SLC38A7: variants seen among roughly 807,000 people sequenced by gnomAD.
The protein encoded by SLC38A7 is solute carrier family 38 member 7.
Under a neutral mutation model 50.1 loss-of-function variants are expected in SLC38A7, and 29 were observed. The observed-to-expected ratio is 0.58, with a 90% CI of 0.43 to 0.79. SLC38A7 has a LOEUF of 0.79. SLC38A7 is among the 30% of genes least tolerant of loss of function. SLC38A7 has a pLI of 0.00. For missense variants in SLC38A7, 483 were observed against 610.6 expected (o/e 0.79, Z 2.20); for synonymous variants, 244 against 245.9 (o/e 0.99, Z 0.07).
chr16:58,679,352 A>G (rs971339964), intron 3 of SLC38A7, among the ~76,000 whole-genome samples: 2 of 152,342 alleles, frequency 1.3e-5, no homozygotes, highest in Non-Finnish European at 1.5e-5. Flanking sequence ...AGATCGGGCC[A>G]CTGCACTCCA....
chr16:58,677,481 A>AC, intron 5 of SLC38A7, 57 bp from the exon 6 acceptor site: 1 of 1,458,466 alleles, frequency 6.9e-7, no homozygotes. Flanking sequence ...ATCTGATTCC[A>AC]CCCCTAGGGA....
intron 9 of SLC38A7, chr16:58,671,758 T>C (rs12935121): frequency 0.58 from 120,450 of 209,030 alleles, 37,284 homozygotes; most frequent in African/African-American, 0.84. Flanking sequence ...TGTGTAGAGA[T>C]GGGGTCTCAC....
In SLC38A7 at chr16:58,678,620, A is replaced by G; in HGVS notation, c.469+76T>C. 1 of 1,583,464 alleles carries G rather than the reference A, an allele frequency of 6.3e-7. No individual in the cohort carries two copies. Among genetic ancestry groups the G allele is most frequent in the Non-Finnish European group, 8.6e-7 (1 of 1,159,478 alleles). On this transcript the variant is annotated intron_variant, in intron 4 of 11. Transcript: ENST00000219320. The surrounding 1 kb of genome is among the most constrained non-coding windows in gnomAD (Gnocchi z 4.0). ...CCAGGTAAGTCCTGGAGAGGTGTTCAGTGCCTTTTCCCTCCACCCCAGGAT... is the reference window on the plus strand; with the variant it reads ...CCAGGTAAGTCCTGGAGAGGTGTTCGGTGCCTTTTCCCTCCACCCCAGGAT...
intron 3 of SLC38A7, among the ~76,000 whole-genome samples, chr16:58,679,334 G>GT (rs2044336488): frequency 6.6e-6 from 1 of 152,186 alleles, no homozygotes; most frequent in African/African-American, 2.4e-5. Context: ...AGAGGCTGCA[G>GT]TAAGCCGAGA....
chr16:58,670,591 C>T lies in SLC38A7; in HGVS notation c.1232-424G>A, dbSNP rs572732281. On this transcript the variant is annotated intron_variant, in intron 10 of 11. Transcript: ENST00000219320. ...ACAGGACAGTTCTCCAGGGATCTGG[C>T]GGTAGATCTGTGTCTGGAACCCAGG... is the stretch of plus-strand genomic sequence containing the variant. Among the ~76,000 whole-genome samples the T allele has an allele frequency of 1.1e-4, 17 of 152,332 alleles. No individual in the cohort carries two copies. In the South Asian group the frequency reaches 3.1e-3, roughly 28 times the overall value.
At chr16:58,683,452 G>A (rs2044433621) in intron 2 of SLC38A7, among the ~76,000 whole-genome samples, 1 of 152,214 alleles carries the variant, frequency 6.6e-6, no homozygotes, top group African/African-American at 2.4e-5. Context: ...TGGCACCAGA[G>A]GAAACATTCC....
At position 58,667,080 on chromosome 16, in the gene SLC38A7, C is replaced by T. The variant is rs1597659708; in HGVS notation, c.*305G>A. 6.4e-6 allele frequency: 3 copies of T among 469,344 alleles called. No homozygotes were observed. Among genetic ancestry groups the T allele is most frequent in the African/African-American group, 2.0e-5 (1 of 51,080 alleles). 29.1% of individuals were successfully genotyped at this position (469,344 alleles called of 1,614,324 possible). The stretch of plus-strand genomic sequence containing the variant: ...CTGGATTCTTTCTTATGAGATCTAC[C>T]GACTCTCTTCACCCGTGGATTCCAG... On this transcript the variant is annotated 3_prime_UTR_variant, in exon 12 of 12. Transcript: ENST00000219320.
At position 58,670,175 on chromosome 16, in the gene SLC38A7, A is replaced by C; in HGVS notation, c.1232-8T>G. On this transcript the variant is annotated splice_polypyrimidine_tract_variant and splice_region_variant and intron_variant, in intron 10 of 11. Coordinates refer to ENST00000219320, the MANE Select transcript of SLC38A7 (RefSeq NM_018231.3). The stretch of plus-strand genomic sequence containing the variant: ...CTTGAATGAGGCACAGCCCTGAAAG[A>C]GAAGAAGTGGCCCTGAGCATTTGTG... 6.2e-7 allele frequency: 1 copy of C among 1,614,032 alleles called. No individual in the cohort carries two copies.
intron 9 of SLC38A7, 108 bp downstream of exon 9, chr16:58,671,988 G>C (rs1597666427): frequency 7.6e-7 from 1 of 1,318,926 alleles, no homozygotes. Context: ...CTTTTCTACA[G>C]GCTTCAGTTT....
At position 58,677,335 on chromosome 16, in the gene SLC38A7, A is replaced by G. The variant is rs2044289687; in HGVS notation, c.701T>C (p.Ile234Thr). Reference sequence around the variant, plus strand: ...GGGCCCTCACCCTCACCTGGTCAGGATGTTCCCTGGGGTCATCTCTTTATC... The same window carrying G: ...GGGCCCTCACCCTCACCTGGTCAGGGTGTTCCCTGGGGTCATCTCTTTATC... ...WPDKEMTPGN[I>T]LTRPASWMAV... is the part of the protein sequence containing the mutation. Residue 234 changes from isoleucine (I) to threonine (T), a missense_variant, in exon 6 of 12, where the codon ATC becomes ACC. Physicochemically the swap from Ile to Thr is moderately conservative, Grantham distance 89. Transcript: ENST00000219320. The G allele has an allele frequency of 3.7e-6, 6 of 1,613,926 alleles. No individual in the cohort carries two copies. In the East Asian group the frequency reaches 1.3e-4, roughly 36 times the overall value.
Position 58,670,127 on chromosome 16 carries a change from C to T in SLC38A7, c.1272G>A (p.Glu424=). 2 of 1,614,174 alleles carry T rather than the reference C, an allele frequency of 1.2e-6. No individual in the cohort carries two copies. Among genetic ancestry groups the T allele is most frequent in the Non-Finnish European group, 1.7e-6 (2 of 1,180,016 alleles). The change falls in exon 11 of 12, where the codon GAG becomes GAA. Residue 424 remains glutamate, a synonymous_variant. Transcript: ENST00000219320. Reference sequence around the variant, plus strand: ...TCCTGCTTTACCTGGCTGGTTTGACCTCTTCCATCTCAGAGAGTTTGGCTT... The same window carrying T: ...TCCTGCTTTACCTGGCTGGTTTGACTTCTTCCATCTCAGAGAGTTTGGCTT... The part of the protein sequence containing the change: ...LIQAKLSEME[E]VKPASWWVLV...
At chr16:58,675,899 G>C (rs1359120415) in intron 8 of SLC38A7, 41 bp downstream of exon 8, 1 of 1,508,786 alleles carries the variant, frequency 6.6e-7, no homozygotes, top group Admixed American at 1.8e-5. Context: ...GTGGAAGTGA[G>C]AGCACTCTAG....
Position 58,673,083 on chromosome 16 carries a change from ATTTTTTTTTTTT to A in SLC38A7, c.884-852_884-841del, listed in dbSNP as rs34081609. ...GCTGGGATTACACCATGCCCGGCTA[ATTTTTTTTTTTT>A]TTTTTTTTTTTTTTTTTGAGATGGA... On this transcript the variant is annotated intron_variant, in intron 8 of 11. Transcript: ENST00000219320. Among the ~76,000 whole-genome samples, 236 of 60,410 alleles carry A rather than the reference ATTTTTTTTTTTT, an allele frequency of 3.9e-3. 3 individuals carry two copies. Among genetic ancestry groups the A allele is most frequent in the African/African-American group, 0.02 (216 of 10,752 alleles). The allele number at this position is 60,410 out of a possible 152,430, so 39.6% of individuals were successfully genotyped here. A position where few individuals can be genotyped will look rare whatever the true frequency, so the allele number is the denominator to read the frequency against.
chr16:58,673,330 G>A (rs147857833), intron 8 of SLC38A7, among the ~76,000 whole-genome samples: 6 of 151,490 alleles, frequency 4.0e-5, no homozygotes, highest in Non-Finnish European at 8.8e-5. Flanking sequence ...CTGCCTTCTG[G>A]TTTTAAGTGA....
intron 5 of SLC38A7, 90 bp from the exon 6 acceptor site, chr16:58,677,514 C>A: frequency 9.5e-7 from 1 of 1,047,586 alleles, no homozygotes; most frequent in South Asian, 1.3e-5. Context: ...GCTCTAGCGA[C>A]CACAAGTGTC....
At position 58,676,414 on chromosome 16, in the gene SLC38A7, C is replaced by A. The variant is rs1597673255; in HGVS notation, c.711-68G>T. 3.2e-6 allele frequency: 5 copies of A among 1,562,418 alleles called. No individual in the cohort carries two copies. In the East Asian group the frequency reaches 1.1e-4, roughly 35 times the overall value. ...AGAGCCACAACCCACCCCACGCCCT[C>A]ACTCTTCGGTCAGCCCACCATGGTC... On this transcript the variant is annotated intron_variant, in intron 6 of 11. Transcript: ENST00000219320.
rs1217285818 is a variant in SLC38A7, at chr16:58,672,096, C to T, written c.1031G>A (p.Arg344Gln). The stretch of plus-strand genomic sequence containing the variant: ...CCCTGGGGAGTGGAAGGGGGCTCAC[C>T]GCCCACAGAAGTGCAGGATAGGGTA... ...TSYPILHFCG[R>Q]AVVEGLWLRY... Residue 344 changes from arginine (R) to glutamine (Q), a missense_variant and splice_region_variant, in exon 9 of 12, where the codon CGG becomes CAG. By Grantham distance (43) the Arg-to-Gln change is conservative. Transcript: ENST00000219320. The T allele has an allele frequency of 6.4e-6, 10 of 1,554,128 alleles. No individual in the cohort carries two copies. The highest frequency in any genetic ancestry group is 2.0e-5 in the Admixed American group (1 of 51,280).
chr16:58,672,381 T>C, intron 8 of SLC38A7, 138 bp from the exon 9 acceptor site: 1 of 922,952 alleles, frequency 1.1e-6, no homozygotes, highest in Non-Finnish European at 1.6e-6. Context: ...GAGTGGGAGA[T>C]GGGGCTCCGA....
chr16:58,678,881 A>T lies in SLC38A7; in HGVS notation c.284T>A (p.Phe95Tyr), dbSNP rs763770135. 6.2e-7 allele frequency: 1 copy of T among 1,613,550 alleles called. No homozygotes were observed. Among genetic ancestry groups the T allele is most frequent in the South Asian group, 1.1e-5 (1 of 91,082 alleles). ...CAGGATGACAAGGCCACTGATGATGAAAACCAGCATACCCTGCAGGCAGAG... is the reference window on the plus strand; with the variant it reads ...CAGGATGACAAGGCCACTGATGATGTAAACCAGCATACCCTGCAGGCAGAG... ...GIALQMGMLV[F>Y]IISGLVILAY... The change falls in exon 4 of 12, where the codon TTC (phenylalanine) becomes TAC (tyrosine). Residue 95 changes from phenylalanine to tyrosine, a missense_variant. Transcript: ENST00000219320. The surrounding 1 kb of genome is among the most constrained non-coding windows in gnomAD (Gnocchi z 4.0).
Sources: allele counts gnomAD v4.1 joint callset (sites outside exome capture counted in the v4.1 genomes callset), GRCh38; gene constraint gnomAD v4.1.1; non-coding constraint Gnocchi (gnomAD v3.1); transcripts MANE v1.5; gene names NCBI Gene and HGNC (gene_info 2026-07-23, HGNC 2026-07-21).